The following CDK14 variants were observed in gnomAD, a reference collection of about 807,000 sequenced individuals.
CDK14 encodes the protein cyclin dependent kinase 14.
A neutral mutation model predicts 60.7 loss-of-function variants in CDK14; 34 were observed. That is an observed-to-expected ratio of 0.56 (90% confidence interval 0.43 to 0.75). The LOEUF is 0.75. Ranked by LOEUF, CDK14 falls within the 30% of genes least tolerant of loss-of-function variation. The probability of loss-of-function intolerance (pLI) is 0.00; values close to 1 mark genes in which losing one functional copy is unlikely to be tolerated. For missense variants in CDK14, 482 were observed against 564.1 expected, an observed-to-expected ratio of 0.85 and a Z score of 1.47; for synonymous variants, 197 against 203.7, an observed-to-expected ratio of 0.97 and a Z score of 0.28.
intron 11 of CDK14, among the ~76,000 whole-genome samples, chr7:91,057,492 C>G (rs937465059): frequency 5.9e-5 from 9 of 152,036 alleles, no homozygotes; most frequent in Non-Finnish European, 7.4e-5. Context: ...TGCCTATGTC[C>G]TGAATGGTAT....
intron 4 of CDK14, among the ~76,000 whole-genome samples, chr7:90,763,559 C>T (rs6975904): frequency 0.19 from 28,988 of 151,372 alleles, 2,885 homozygotes; most frequent in South Asian, 0.24. Context: ...CTGTTCTGAA[C>T]ATATATTTGC....
Position 90,596,576 on chromosome 7 carries a change from G to C in CDK14, c.-52G>C. ...GCGGCGCGCGCCCTCGCCGTTGTCT[G>C]AGCTGTGCCTGGACCAGTTTGGGGA... On this transcript the variant is annotated 5_prime_UTR_variant, in exon 1 of 15. Coordinates refer to ENST00000380050, the MANE Select transcript of CDK14 (RefSeq NM_001287135.2). 1 of 1,507,456 alleles carries C rather than the reference G, an allele frequency of 6.6e-7. No individual in the cohort carries two copies. Among genetic ancestry groups the C allele is most frequent in the Non-Finnish European group, 9.2e-7 (1 of 1,087,644 alleles). 93.4% of individuals were successfully genotyped at this position (1,507,456 alleles called of 1,614,324 possible).
chr7:91,139,460 A>G (rs1283554049), intron 14 of CDK14, among the ~76,000 whole-genome samples: 1 of 152,220 alleles, frequency 6.6e-6, no homozygotes, highest in Admixed American at 6.5e-5. Flanking sequence ...CAAAGCAGTC[A>G]CTGCTCCTCA....
At chr7:90,910,014 A>G (rs1792840022) in intron 7 of CDK14, among the ~76,000 whole-genome samples, 1 of 152,154 alleles carries the variant, frequency 6.6e-6, no homozygotes, top group African/African-American at 2.4e-5. Context: ...TAAAATATAT[A>G]TTGCAAAAAA....
At chr7:90,754,265 C>T (rs1217926272) in intron 4 of CDK14, among the ~76,000 whole-genome samples, 1 of 152,118 alleles carries the variant, frequency 6.6e-6, no homozygotes, top group East Asian at 1.9e-4. Context: ...CAGCATGATA[C>T]TAGTACAAAA....
intron 2 of CDK14, among the ~76,000 whole-genome samples, chr7:90,615,530 T>G (rs751693269): frequency 5.9e-5 from 9 of 152,234 alleles, no homozygotes; most frequent in Non-Finnish European, 1.3e-4. Context: ...TGAATACTTT[T>G]CTTTAAAAAA....
intron 5 of CDK14, among the ~76,000 whole-genome samples, chr7:90,854,140 A>AT (rs1790742581): frequency 6.6e-6 from 1 of 152,168 alleles, no homozygotes; most frequent in African/African-American, 2.4e-5. Context: ...GAAGATACAG[A>AT]TGTGTAAATC....
chr7:90,928,745 A>G (rs1374858305), intron 8 of CDK14, among the ~76,000 whole-genome samples: 1 of 152,136 alleles, frequency 6.6e-6, no homozygotes, highest in African/African-American at 2.4e-5. Flanking sequence ...TACTCTCTTC[A>G]AAGCTGTCAG....
At chr7:90,992,639 A>G (rs1384085702) in intron 10 of CDK14, among the ~76,000 whole-genome samples, 1 of 152,200 alleles carries the variant, frequency 6.6e-6, no homozygotes, top group Non-Finnish European at 1.5e-5. Flanking sequence ...GAAGTTTGTA[A>G]GGGCACCAAA....
At chr7:91,177,391 A>T (rs1366700992) in intron 14 of CDK14, among the ~76,000 whole-genome samples, 1 of 151,040 alleles carries the variant, frequency 6.6e-6, no homozygotes, top group Non-Finnish European at 1.5e-5. Flanking sequence ...TCCCTTTGAA[A>T]ACTGGCACAA....
chr7:91,050,420 A>T (rs562948815), intron 11 of CDK14, among the ~76,000 whole-genome samples: 1 of 142,286 alleles, frequency 7.0e-6, no homozygotes, highest in Non-Finnish European at 1.6e-5. Context: ...GAAAAAAAAA[A>T]TATATAACAA....
chr7:91,149,870 T>C lies in CDK14; in HGVS notation c.*28+31662T>C, dbSNP rs1310880348. 5.9e-5 allele frequency among the ~76,000 whole-genome samples: 9 copies of C among 152,130 alleles called. 1 individual carries two copies. On this transcript the variant is annotated intron_variant, in intron 14 of 14. Coordinates refer to ENST00000380050, the MANE Select transcript of CDK14 (RefSeq NM_001287135.2). The stretch of plus-strand genomic sequence containing the variant: ...CCCTGTGCATCCAAATCTGTAGTGA[T>C]GGGGGAAAATTGATTGACTCAGAAA...
chr7:90,914,094 C>T (rs975455372), intron 7 of CDK14, among the ~76,000 whole-genome samples: 3 of 152,096 alleles, frequency 2.0e-5, no homozygotes, highest in African/African-American at 4.8e-5. Context: ...TTGTCTTTCT[C>T]GGAATTTATG....
At chr7:91,107,953 CT>C (rs745816768) in intron 12 of CDK14, among the ~76,000 whole-genome samples, 2 of 152,176 alleles carry the variant, frequency 1.3e-5, no homozygotes, top group Non-Finnish European at 1.5e-5. Flanking sequence ...GCCTCAAGAG[CT>C]TGACAGAATT....
At chr7:90,668,696 A>ATTATTTTTTTTTTTTTTTTTTTTTT (rs1554431005) in intron 2 of CDK14, among the ~76,000 whole-genome samples, 18 of 68,432 alleles carry the variant, frequency 2.6e-4, no homozygotes, top group Admixed American at 6.4e-4. Context: ...AAGGACTCGC[A>ATTATTTTTTTTTTTTTTTTTTTTTT]TTCTTTTTTT....
At chr7:91,065,570 A>C (rs534606855) in intron 11 of CDK14, among the ~76,000 whole-genome samples, 1 of 152,318 alleles carries the variant, frequency 6.6e-6, no homozygotes, top group South Asian at 2.1e-4. Context: ...TCAGCTTTTA[A>C]AATATCTTGA....
At chr7:90,893,079 C>G (rs1792187980) in intron 6 of CDK14, among the ~76,000 whole-genome samples, 1 of 152,132 alleles carries the variant, frequency 6.6e-6, no homozygotes, top group Admixed American at 6.5e-5. Flanking sequence ...TAGTGTGGGG[C>G]TTGAGTCTTC....
At chr7:91,170,734 C>T (rs1005209769) in intron 14 of CDK14, among the ~76,000 whole-genome samples, 4 of 149,560 alleles carry the variant, frequency 2.7e-5, no homozygotes, top group Non-Finnish European at 5.9e-5. Flanking sequence ...ACAAAAAACT[C>T]GTTTGTAAAT....
chr7:91,154,644 C>A (rs756195550), intron 14 of CDK14, among the ~76,000 whole-genome samples: 2 of 152,046 alleles, frequency 1.3e-5, no homozygotes, highest in Admixed American at 6.6e-5. Context: ...TGTGTCACCT[C>A]GGTCAAATAA....
Sources: allele counts gnomAD v4.1 joint callset (sites outside exome capture counted in the v4.1 genomes callset), GRCh38; gene constraint gnomAD v4.1.1; transcripts MANE v1.5; gene names NCBI Gene and HGNC (gene_info 2026-07-23, HGNC 2026-07-21).